The following MYH14 variants were observed in gnomAD, a reference collection of about 807,000 sequenced individuals.
The protein encoded by MYH14 is myosin heavy chain 14, also known as myosin-14.
A neutral mutation model predicts 255.5 loss-of-function variants in MYH14; 123 were observed. That is an observed-to-expected ratio of 0.48 (90% CI 0.42 to 0.56). The LOEUF is 0.56. Among genes scored for constraint, MYH14 ranks in the 20% least tolerant of loss-of-function variants. The probability of loss-of-function intolerance (pLI) is 0.00; values close to 1 mark genes in which losing one functional copy is unlikely to be tolerated. For missense variants in MYH14, 2,423 were observed against 2,802.3 expected, an observed-to-expected ratio of 0.86 and a Z score of 3.06; for synonymous variants, 1,095 against 1,161.2, an observed-to-expected ratio of 0.94 and a Z score of 1.16.
rs1601084728 is a variant in MYH14, at chr19:50,310,161, T to C, written c.*371T>C. Reference sequence around the variant, plus strand: ...CACCATCCTCAGCCAGTGCAACCCATTCCCTCTGCTTCTCTCTCTCTCTCT... The same window carrying C: ...CACCATCCTCAGCCAGTGCAACCCACTCCCTCTGCTTCTCTCTCTCTCTCT... On this transcript the variant is annotated 3_prime_UTR_variant, in exon 43 of 43. Transcript: ENST00000642316. 3.5e-6 allele frequency: 1 copy of C among 283,338 alleles called. No individual in the cohort carries two copies. Among genetic ancestry groups the C allele is most frequent in the African/African-American group, 2.3e-5 (1 of 43,616 alleles). The allele number at this position is 283,338 out of a possible 1,614,324, so 17.6% of individuals were successfully genotyped here.
chr19:50,224,037 AGTCCCCCTT>A, intron 5 of MYH14, 108 bp from the exon 6 acceptor site: 2 of 252,566 alleles, frequency 7.9e-6, no homozygotes, highest in Non-Finnish European at 1.3e-5. Context: ...CGGTTTCCCC[AGTCCCCCTT>A]CCCCCACCCC....
chr19:50,289,527 CGGCCG>C lies in MYH14; in HGVS notation c.4845_4849del (p.Ala1616GlyfsTer18). ...ACAGAACTGGAGGATGAGCTGACAGCGGCCGAGGATGCCAAGCTGCGTCTGGAGGT... is the reference window on the plus strand; with the variant it reads ...ACAGAACTGGAGGATGAGCTGACAGCAGGATGCCAAGCTGCGTCTGGAGGT... On this transcript the variant is annotated frameshift_variant, in exon 35 of 43. Coordinates refer to ENST00000642316, the MANE Select transcript of MYH14 (RefSeq NM_001145809.2). LOFTEE classifies it high-confidence loss of function. The C allele has an allele frequency of 6.2e-6, 10 of 1,612,956 alleles. No individual in the cohort carries two copies. Among genetic ancestry groups the C allele is most frequent in the Non-Finnish European group, 8.5e-6 (10 of 1,179,594 alleles).
chr19:50,265,436 C>A (rs909746054), intron 22 of MYH14, among the ~76,000 whole-genome samples: 2 of 152,012 alleles, frequency 1.3e-5, no homozygotes, highest in Non-Finnish European at 2.9e-5. Flanking sequence ...TGCTTAAGCC[C>A]AGGAGTATGA....
At chr19:50,274,425 G>A (rs1469439550) in intron 27 of MYH14, among the ~76,000 whole-genome samples, 1 of 152,138 alleles carries the variant, frequency 6.6e-6, no homozygotes, top group Non-Finnish European at 1.5e-5. Context: ...CTCCCGAGTG[G>A]CTGGGACTAC....
rs1424589480 is a variant in MYH14 at position 50,252,009 on chromosome 19, T to C, written c.1831-630T>C. On this transcript the variant is annotated intron_variant, in intron 15 of 42. Coordinates refer to ENST00000642316, the MANE Select transcript of MYH14 (RefSeq NM_001145809.2). This position sits in a 1 kb window ranked among gnomAD's most constrained non-coding sequence, Gnocchi z 4.2. Reference sequence around the variant, plus strand: ...AGGATGGGTGAAGGGTGGGAAGGGCTCTCCAGGCAGAGGGAACAGCATAGA... The same window carrying C: ...AGGATGGGTGAAGGGTGGGAAGGGCCCTCCAGGCAGAGGGAACAGCATAGA... Among the ~76,000 whole-genome samples the C allele has an allele frequency of 6.6e-6, 1 of 152,032 alleles. No homozygotes were observed. Among genetic ancestry groups the C allele is most frequent in the Non-Finnish European group, 1.5e-5 (1 of 68,000 alleles).
intron 9 of MYH14, among the ~76,000 whole-genome samples, chr19:50,231,506 G>C (rs1349086448): frequency 1.3e-5 from 2 of 152,144 alleles, no homozygotes; most frequent in Non-Finnish European, 2.9e-5. Context: ...CCAGGAATTT[G>C]AGTCCAGCCT....
intron 33 of MYH14, 62 bp from the exon 34 acceptor site, chr19:50,286,420 T>C (rs2035889397): frequency 6.8e-7 from 1 of 1,474,284 alleles, no homozygotes; most frequent in African/African-American, 1.4e-5. Flanking sequence ...CTCTTCCCGT[T>C]CCCTTGTACA....
At chr19:50,257,091 T>TC (rs1333740113) in intron 17 of MYH14, among the ~76,000 whole-genome samples, 6 of 152,368 alleles carry the variant, frequency 3.9e-5, no homozygotes, top group Non-Finnish European at 5.9e-5. Context: ...GTTTCTAAGC[T>TC]GTGTGACCTT....
intron 41 of MYH14, 30 bp from the exon 42 acceptor site, chr19:50,308,975 A>G (rs2036746728): frequency 2.5e-6 from 4 of 1,579,536 alleles, no homozygotes; most frequent in African/African-American, 1.3e-5. Context: ...GTACCTGGAG[A>G]TATAACCCAG....
At chr19:50,238,515 G>A (rs1262535751) in intron 10 of MYH14, among the ~76,000 whole-genome samples, 2 of 152,096 alleles carry the variant, frequency 1.3e-5, no homozygotes, top group African/African-American at 4.8e-5. Flanking sequence ...GCGGTGGTGT[G>A]ATCTCAGCTT....
At chr19:50,251,521 TACAC>T (rs56728213) in intron 15 of MYH14, among the ~76,000 whole-genome samples, 3,179 of 72,322 alleles carry the variant, frequency 0.044, 62 homozygotes, top group East Asian at 0.063. Context: ...ATATACACAC[TACAC>T]ACACACACAC....
At chr19:50,225,156 CCT>C (rs2033030035) in intron 6 of MYH14, among the ~76,000 whole-genome samples, 1 of 152,148 alleles carries the variant, frequency 6.6e-6, no homozygotes, top group East Asian at 1.9e-4. Flanking sequence ...TGTTTCCTCC[CCT>C]CAGTCCCCTT....
At chr19:50,218,153 C>T (rs559328563) in intron 3 of MYH14, among the ~76,000 whole-genome samples, 23 of 151,970 alleles carry the variant, frequency 1.5e-4, no homozygotes, top group East Asian at 4.0e-4. Context: ...TGCACCACTG[C>T]GCCTGGCTAA....
intron 8 of MYH14, among the ~76,000 whole-genome samples, chr19:50,227,781 T>C (rs1467452433): frequency 2.0e-5 from 3 of 152,154 alleles, no homozygotes; most frequent in African/African-American, 7.2e-5. Context: ...CGTACCAACC[T>C]GGGTTCAAAT....
At chr19:50,279,534 A>G (rs138038888) in intron 30 of MYH14, among the ~76,000 whole-genome samples, 2,794 of 152,092 alleles carry the variant, frequency 0.018, 38 homozygotes, top group Non-Finnish European at 0.028. Flanking sequence ...TTGGGAGGCT[A>G]AGGCAGGAGA....
chr19:50,294,116 C>T (rs2036182154), intron 39 of MYH14, among the ~76,000 whole-genome samples: 1 of 152,066 alleles, frequency 6.6e-6, no homozygotes, highest in South Asian at 2.1e-4. Flanking sequence ...TGGCCCAGAT[C>T]CTATTCCGGG....
In MYH14 at chr19:50,307,117, T is replaced by A; in HGVS notation, c.5747T>A (p.Val1916Glu). The change falls in exon 41 of 43, where the codon GTG (valine) becomes GAG (glutamate). Residue 1916 changes from valine to glutamate, a missense_variant. By Grantham distance (121) the Val-to-Glu change is moderately radical. Around this residue, in one of 3 missense-constraint regions of MYH14, gnomAD observed 1,513 missense variants for 1,674.8 expected, o/e 0.90. Coordinates refer to ENST00000642316, the MANE Select transcript of MYH14 (RefSeq NM_001145809.2). ...EKRLKEVVLQ[V>E]EEERRVADQL... ...CGGCTTAAAGAGGTGGTGCTCCAGG[T>A]GGAGGAGGAGCGGAGGGTGGCTGAC... 6.5e-7 allele frequency: 1 copy of A among 1,550,264 alleles called. No homozygotes were observed. The highest frequency in any genetic ancestry group is 8.7e-7 in the Non-Finnish European group (1 of 1,146,804).
chr19:50,258,034 G>A (rs1020004968), intron 18 of MYH14, among the ~76,000 whole-genome samples: 5 of 152,134 alleles, frequency 3.3e-5, no homozygotes, highest in Admixed American at 2.0e-4. Flanking sequence ...ACAAGACCAT[G>A]GCCAGCCTCA....
At chr19:50,218,248 G>A (rs541977046) in intron 3 of MYH14, among the ~76,000 whole-genome samples, 143 of 152,014 alleles carry the variant, frequency 9.4e-4, no homozygotes, top group African/African-American at 3.4e-3. Context: ...CCAAAGTTCT[G>A]GGATTACAGG....
Sources: allele counts gnomAD v4.1 joint callset (sites outside exome capture counted in the v4.1 genomes callset), GRCh38; gene constraint gnomAD v4.1.1; regional missense constraint gnomAD v4.1.1; non-coding constraint Gnocchi (gnomAD v3.1); transcripts MANE v1.5; gene names NCBI Gene and HGNC (gene_info 2026-07-23, HGNC 2026-07-21).